Variants in SPHKAP observed in about 807,000 individuals in gnomAD.
SPHKAP encodes the protein A-kinase anchor protein SPHKAP.
Under a neutral mutation model 137.5 loss-of-function variants are expected in SPHKAP, and 67 were observed. The ratio of observed to expected loss-of-function variants is 0.49; its 90% CI spans 0.40 to 0.60. SPHKAP has a LOEUF of 0.60. SPHKAP is among the 20% of genes least tolerant of loss of function. The probability of loss-of-function intolerance (pLI) is 0.00; values close to 1 mark genes in which losing one functional copy is unlikely to be tolerated. For missense variants in SPHKAP, 2,097 were observed against 2,069.3 expected, an observed-to-expected ratio of 1.01 and a Z score of -0.26; for synonymous variants, 813 against 785.3, an observed-to-expected ratio of 1.04 and a Z score of -0.59.
chr2:228,082,912 AAATTAGGAGTGGAAG>A (rs1330983591), intron 3 of SPHKAP, among the ~76,000 whole-genome samples: 2 of 152,172 alleles, frequency 1.3e-5, no homozygotes, highest in Non-Finnish European at 2.9e-5. Flanking sequence ...GAAGTCACAT[AAATTAGGAGTGGAAG>A]ATTCCACAGA....
At position 228,018,571 on chromosome 2, in the gene SPHKAP, A is replaced by G. The variant is rs1694705075; in HGVS notation, c.2283T>C (p.Ala761=). Residue 761 remains alanine, a synonymous_variant, in exon 7 of 12, where the codon GCT becomes GCC. Coordinates refer to ENST00000392056, the MANE Select transcript of SPHKAP (RefSeq NM_001142644.2). ...TGGAGGATTCAGTGGCTTTTGTCCA[A>G]GCTTGACTAGCACCCGGATCAGATG... ...CQPSDPGASQ[A]WTKATESSSS... The G allele has an allele frequency of 1.2e-6, 2 of 1,613,914 alleles. No homozygotes were observed. The highest frequency in any genetic ancestry group is 1.7e-6 in the Non-Finnish European group (2 of 1,179,876).
chr2:227,993,502 C>T (rs1693499546), intron 9 of SPHKAP, 32 bp downstream of exon 9: 1 of 1,554,440 alleles, frequency 6.4e-7, no homozygotes, highest in Admixed American at 1.8e-5. Flanking sequence ...GAGTAGTGGT[C>T]TCACAATCAC....
At chr2:228,135,220 G>A (rs1336323249) in intron 1 of SPHKAP, among the ~76,000 whole-genome samples, 3 of 148,264 alleles carry the variant, frequency 2.0e-5, no homozygotes, top group Non-Finnish European at 4.4e-5. Context: ...GTTGTGGTGG[G>A]CCGAGATCGT....
At position 228,118,346 on chromosome 2, in the gene SPHKAP, A is replaced by T. The variant is rs1698787961; in HGVS notation, c.139-9407T>A. Among the ~76,000 whole-genome samples, 3 of 151,348 alleles carry T rather than the reference A, an allele frequency of 2.0e-5. No homozygotes were observed. The South Asian group carries it at 6.2e-4, about 31-fold the overall frequency. On this transcript the variant is annotated intron_variant, in intron 2 of 11. Coordinates refer to ENST00000392056, the MANE Select transcript of SPHKAP (RefSeq NM_001142644.2). ...AAAGCTGCTATAAACATTTGCCTAC[A>T]GGTTTATGTCTAAATTTAAGGTTTT...
chr2:228,015,384 G>A (rs946474754), intron 7 of SPHKAP, among the ~76,000 whole-genome samples: 5 of 151,846 alleles, frequency 3.3e-5, no homozygotes, highest in South Asian at 2.1e-4. Flanking sequence ...ATAAACATAC[G>A]TGTTCATGTG....
At chr2:228,020,860 T>C (rs182130360) in intron 6 of SPHKAP, among the ~76,000 whole-genome samples, 7 of 152,280 alleles carry the variant, frequency 4.6e-5, no homozygotes, top group Non-Finnish European at 8.8e-5. Flanking sequence ...AAAATGGCTT[T>C]CCATATGGGA....
At chr2:228,015,460 T>C (rs144208404) in intron 7 of SPHKAP, among the ~76,000 whole-genome samples, 145 of 152,250 alleles carry the variant, frequency 9.5e-4, no homozygotes, top group African/African-American at 3.2e-3. Flanking sequence ...CTGGGTCAAA[T>C]GGTATTTCTA....
intron 7 of SPHKAP, among the ~76,000 whole-genome samples, chr2:228,005,230 G>T (rs1214195429): frequency 6.6e-6 from 1 of 152,138 alleles, no homozygotes; most frequent in African/African-American, 2.4e-5. Context: ...TTATGAATCT[G>T]GGTGCTCCTG....
At chr2:228,172,014 A>T (rs1406337344) in intron 1 of SPHKAP, among the ~76,000 whole-genome samples, 1 of 151,192 alleles carries the variant, frequency 6.6e-6, no homozygotes, top group Non-Finnish European at 1.5e-5. Flanking sequence ...GAGGCTTATA[A>T]ATTATGGTAT....
At chr2:228,092,153 A>C (rs1464917329) in intron 3 of SPHKAP, among the ~76,000 whole-genome samples, 3 of 121,806 alleles carry the variant, frequency 2.5e-5, no homozygotes, top group Non-Finnish European at 5.2e-5. Flanking sequence ...ATATATACAT[A>C]TACATATATG....
intron 7 of SPHKAP, among the ~76,000 whole-genome samples, chr2:227,999,351 A>G (rs1693761164): frequency 6.6e-6 from 1 of 152,206 alleles, no homozygotes. Context: ...TGGTGCAGCC[A>G]AAGAGGCAGC....
At chr2:228,002,197 G>A (rs957938428) in intron 7 of SPHKAP, among the ~76,000 whole-genome samples, 5 of 152,134 alleles carry the variant, frequency 3.3e-5, no homozygotes, top group Non-Finnish European at 5.9e-5. Flanking sequence ...CAGTGTAAAA[G>A]TGTTCCTGTT....
chr2:228,169,693 T>A (rs1209126325), intron 1 of SPHKAP: 25 of 152,066 alleles, frequency 1.6e-4, no homozygotes, highest in Admixed American at 1.5e-3. Context: ...AGCCCAAGGA[T>A]CAAGGAGTAA....
At chr2:228,041,544 T>C (rs1695840462) in intron 3 of SPHKAP, among the ~76,000 whole-genome samples, 2 of 150,022 alleles carry the variant, frequency 1.3e-5, no homozygotes, top group Non-Finnish European at 2.9e-5. Context: ...CTCAGGAGGC[T>C]GAGGCAGGAG....
intron 3 of SPHKAP, among the ~76,000 whole-genome samples, chr2:228,067,331 C>T (rs1447453215): frequency 6.6e-6 from 1 of 152,068 alleles, no homozygotes; most frequent in African/African-American, 2.4e-5. Flanking sequence ...AAAAATTATG[C>T]AATGAAAGAA....
At chr2:228,113,261 T>G (rs1324432203) in intron 2 of SPHKAP, among the ~76,000 whole-genome samples, 1 of 152,168 alleles carries the variant, frequency 6.6e-6, no homozygotes, top group Non-Finnish European at 1.5e-5. Flanking sequence ...ATTGACCAAA[T>G]AGTAGTACAT....
At chr2:228,032,161 A>G (rs1695354859) in intron 3 of SPHKAP, among the ~76,000 whole-genome samples, 1 of 152,190 alleles carries the variant, frequency 6.6e-6, no homozygotes, top group Admixed American at 6.5e-5. Flanking sequence ...GGATAACTAG[A>G]ATAACCAACG....
intron 2 of SPHKAP, among the ~76,000 whole-genome samples, chr2:228,119,454 T>TACACACACACACACACACAC (rs1485094661): frequency 1.4e-5 from 1 of 69,750 alleles, no homozygotes; most frequent in East Asian, 7.2e-4. Flanking sequence ...AAAAGCCTAG[T>TACACACACACACACACACAC]ATACACACAC....
chr2:228,100,575 G>C (rs778513877), intron 3 of SPHKAP, among the ~76,000 whole-genome samples: 3 of 151,938 alleles, frequency 2.0e-5, no homozygotes, highest in Admixed American at 2.0e-4. Context: ...TTTATGAAAA[G>C]CTTTTTCTGC....
Sources: allele counts gnomAD v4.1 joint callset (sites outside exome capture counted in the v4.1 genomes callset), GRCh38; gene constraint gnomAD v4.1.1; transcripts MANE v1.5; gene names NCBI Gene and HGNC (gene_info 2026-07-23, HGNC 2026-07-21).